The following MAT1A variants were observed in gnomAD, a reference collection of about 807,000 sequenced individuals.
MAT1A encodes the protein S-adenosylmethionine synthase isoform type-1.
In MAT1A, 19 loss-of-function variants were observed where a neutral mutation model predicts 44.0. The ratio of observed to expected loss-of-function variants is 0.43; its 90% confidence interval spans 0.30 to 0.63. The LOEUF is 0.63. MAT1A is among the 30% of genes least tolerant of loss of function. MAT1A has a pLI of 0.12. For missense variants in MAT1A, 397 were observed against 531.0 expected (o/e 0.75, Z 2.48); for synonymous variants, 205 against 205.6 (o/e 1.00, Z 0.03).
Position 80,274,561 on chromosome 10 carries a change from C to G in MAT1A, c.1044G>C (p.Val348=). 1.2e-6 allele frequency: 2 copies of G among 1,614,190 alleles called. No homozygotes were observed. Among genetic ancestry groups the G allele is most frequent in the Non-Finnish European group, 1.7e-6 (2 of 1,180,038 alleles). ...GCCGGAGGTCGAAGTTCTTATGCAC[C>G]ACATCCAGCAGCTCTCGCTCTGTCT... is the stretch of plus-strand genomic sequence containing the variant. The part of the protein sequence containing the change: ...SQKTERELLD[V]VHKNFDLRPG... The change falls in exon 8 of 9, where the codon GTG becomes GTC. Residue 348 remains valine (V), a synonymous_variant. Transcript: ENST00000372213.
At chr10:80,275,574 G>T in intron 6 of MAT1A, 2 of 338,788 alleles carry the variant, frequency 5.9e-6, no homozygotes, top group Admixed American at 4.1e-5. Flanking sequence ...CAAATGCCAT[G>T]CTGCCCACTT....
chr10:80,277,921 C>G (rs1046816355), intron 5 of MAT1A, among the ~76,000 whole-genome samples: 1 of 152,240 alleles, frequency 6.6e-6, no homozygotes, highest in Non-Finnish European at 1.5e-5. Context: ...CTATCAGCAG[C>G]AGGGATTTGT....
At chr10:80,276,845 C>T (rs1268457497) in intron 5 of MAT1A, among the ~76,000 whole-genome samples, 2 of 152,260 alleles carry the variant, frequency 1.3e-5, no homozygotes, top group Non-Finnish European at 2.9e-5. Flanking sequence ...TGCTTGGAGA[C>T]TTGAGTTTCC....
intron 1 of MAT1A, among the ~76,000 whole-genome samples, chr10:80,287,589 C>T (rs1020478004): frequency 6.6e-6 from 1 of 152,190 alleles, no homozygotes; most frequent in Admixed American, 6.5e-5. Context: ...CACATTGCTG[C>T]TGCGCACAAT....
chr10:80,277,437 A>G (rs1487926233), intron 5 of MAT1A, among the ~76,000 whole-genome samples: 1 of 152,224 alleles, frequency 6.6e-6, no homozygotes, highest in Non-Finnish European at 1.5e-5. Context: ...TCTAAGGAGC[A>G]ACAAGGAAGG....
chr10:80,287,049 G>A (rs1041030779), intron 1 of MAT1A, among the ~76,000 whole-genome samples: 12 of 152,264 alleles, frequency 7.9e-5, no homozygotes, highest in Non-Finnish European at 1.6e-4. Flanking sequence ...AAGGCCTCTC[G>A]CTGATAAAAT....
chr10:80,285,481 C>T (rs1841636703), intron 2 of MAT1A, 31 bp downstream of exon 2: 1 of 1,597,504 alleles, frequency 6.3e-7, no homozygotes, highest in African/African-American at 1.3e-5. Flanking sequence ...CCACTTAGGT[C>T]TCCAGCAGGG....
intron 3 of MAT1A, among the ~76,000 whole-genome samples, chr10:80,281,893 C>T (rs1468149994): frequency 1.3e-5 from 2 of 152,170 alleles, no homozygotes; most frequent in South Asian, 4.1e-4. Context: ...GAACGTTCTA[C>T]CTCCAGCTCC....
At chr10:80,277,350 C>T (rs1325223852) in intron 5 of MAT1A, among the ~76,000 whole-genome samples, 1 of 152,150 alleles carries the variant, frequency 6.6e-6, no homozygotes, top group African/African-American at 2.4e-5. Context: ...GCAGCAAACT[C>T]TCTACCTCCC....
intron 6 of MAT1A, 71 bp downstream of exon 6, chr10:80,276,305 T>A: frequency 6.7e-7 from 1 of 1,501,318 alleles, no homozygotes; most frequent in Admixed American, 1.7e-5. Context: ...CTTGAGGTTT[T>A]CCTGCTCTGA....
Position 80,273,589 on chromosome 10 carries a change from C to T in MAT1A, c.*192G>A. 4.9e-6 allele frequency: 3 copies of T among 618,412 alleles called. No individual in the cohort carries two copies. In the South Asian group the frequency reaches 5.5e-5, roughly 11 times the overall value. The allele number at this position is 618,412 out of a possible 1,614,324, so 38.3% of individuals were successfully genotyped here. On this transcript the variant is annotated 3_prime_UTR_variant, in exon 9 of 9. Coordinates refer to ENST00000372213, the MANE Select transcript of MAT1A (RefSeq NM_000429.3). ...ACCATGCCCATCCTTACATCAAGAT[C>T]CAACCTCCAGCACCAGGAAGCCCCT... is the stretch of plus-strand genomic sequence containing the variant.
chr10:80,279,444 G>C (rs879662678), intron 5 of MAT1A, among the ~76,000 whole-genome samples: 3 of 152,064 alleles, frequency 2.0e-5, no homozygotes, highest in Non-Finnish European at 4.4e-5. Context: ...AGGTGACAAT[G>C]GGGTCCACGA....
In MAT1A at chr10:80,276,540, T is replaced by C; in HGVS notation, c.604A>G (p.Thr202Ala). The change falls in exon 6 of 9, where the codon ACC (threonine) becomes GCC (alanine). Residue 202 changes from threonine (T) to alanine (A), a missense_variant. Coordinates refer to ENST00000372213, the MANE Select transcript of MAT1A (RefSeq NM_000429.3). ...TTGTGCTGCACAGAGATGACGATGGTGTGGATGCGCACAGGGATGACTGCG... is the reference window on the plus strand; with the variant it reads ...TTGTGCTGCACAGAGATGACGATGGCGTGGATGCGCACAGGGATGACTGCG... ...NGAVIPVRIH[T>A]IVISVQHNED... 6.2e-7 allele frequency: 1 copy of C among 1,613,960 alleles called. No individual in the cohort carries two copies.
chr10:80,288,914 C>T (rs1418557089), intron 1 of MAT1A, among the ~76,000 whole-genome samples: 1 of 152,224 alleles, frequency 6.6e-6, no homozygotes, highest in Non-Finnish European at 1.5e-5. Flanking sequence ...CACAGCACGG[C>T]TTCATCAGGA....
intron 3 of MAT1A, among the ~76,000 whole-genome samples, chr10:80,282,858 C>A (rs1322651016): frequency 6.6e-6 from 1 of 152,128 alleles, no homozygotes; most frequent in Non-Finnish European, 1.5e-5. Context: ...CTACACATCA[C>A]CCTAGACAAC....
At chr10:80,279,703 G>A (rs1011983746) in intron 5 of MAT1A, among the ~76,000 whole-genome samples, 3 of 152,144 alleles carry the variant, frequency 2.0e-5, no homozygotes, top group African/African-American at 7.2e-5. Context: ...GCCTTTTCAT[G>A]AGAAACAAAG....
chr10:80,279,580 C>A (rs1288267073), intron 5 of MAT1A, among the ~76,000 whole-genome samples: 1 of 152,070 alleles, frequency 6.6e-6, no homozygotes, highest in Non-Finnish European at 1.5e-5. Flanking sequence ...TGCGTCTCCA[C>A]TAACACTTGA....
chr10:80,274,937 G>A (rs888627367), intron 7 of MAT1A, 80 bp downstream of exon 7: 5 of 1,488,400 alleles, frequency 3.4e-6, no homozygotes, highest in African/African-American at 1.4e-5. Context: ...TTCCCACCGG[G>A]CCAACATCCC....
intron 5 of MAT1A, 21 bp downstream of exon 5, chr10:80,280,152 T>C (rs372360931): frequency 1.9e-6 from 3 of 1,613,714 alleles, no homozygotes; most frequent in East Asian, 2.2e-5. Context: ...AGGGCTCTCC[T>C]GGGGTAATTC....
Sources: allele counts gnomAD v4.1 joint callset (sites outside exome capture counted in the v4.1 genomes callset), GRCh38; gene constraint gnomAD v4.1.1; transcripts MANE v1.5; gene names NCBI Gene and HGNC (gene_info 2026-07-23, HGNC 2026-07-21).